Variants in RPS6KC1 observed in about 807,000 individuals in gnomAD.
The protein encoded by RPS6KC1 is inactive ribosomal protein S6 kinase delta-1.
In RPS6KC1, 54 loss-of-function variants were observed where a neutral mutation model predicts 103.8. The observed-to-expected ratio is 0.52, with a 90% CI of 0.42 to 0.65. RPS6KC1 has a LOEUF of 0.65. RPS6KC1 is among the 30% of genes least tolerant of loss of function. RPS6KC1 has a pLI of 0.00. For missense variants in RPS6KC1, 1,151 were observed against 1,253.8 expected (o/e 0.92, Z 1.24); for synonymous variants, 439 against 438.7 (o/e 1.00, Z -0.01).
At chr1:213,425,609 A>G in the RPS6KC1 span, among the ~76,000 whole-genome samples, 4 of 152,168 alleles carry the variant, frequency 2.6e-5, 1 homozygote, top group Admixed American at 1.3e-4. Flanking sequence ...CTCGTGTGGA[A>G]AAACGGCAAG....
chr1:213,599,635 A>G, the RPS6KC1 span, among the ~76,000 whole-genome samples: 18 of 152,228 alleles, frequency 1.2e-4, no homozygotes, highest in Non-Finnish European at 1.9e-4. Flanking sequence ...GCCATCTTCA[A>G]TCACGGGAAA....
the RPS6KC1 span, among the ~76,000 whole-genome samples, chr1:213,851,730 G>T: frequency 6.6e-6 from 1 of 151,920 alleles, no homozygotes; most frequent in South Asian, 2.1e-4. Context: ...GATCAGAGTC[G>T]TCCCTCCCCC....
At chr1:213,799,680 C>G in the RPS6KC1 span, among the ~76,000 whole-genome samples, 1 of 152,192 alleles carries the variant, frequency 6.6e-6, no homozygotes, top group Non-Finnish European at 1.5e-5. Flanking sequence ...AAATGGTGAA[C>G]TGAGAGCAGT....
the RPS6KC1 span, among the ~76,000 whole-genome samples, chr1:213,621,647 G>A: frequency 1.3e-5 from 2 of 152,192 alleles, no homozygotes; most frequent in African/African-American, 4.8e-5. Context: ...GGGCTTTTGT[G>A]ATTTGCTAGG....
chr1:213,251,548 T>G (rs74139163), intron 12 of RPS6KC1, among the ~76,000 whole-genome samples: 2,214 of 152,306 alleles, frequency 0.015, 48 homozygotes, highest in African/African-American at 0.05. Context: ...ATCTCTTGCC[T>G]GGAATAGTGC....
chr1:213,275,449 C>T (rs908464545), downstream of RPS6KC1, among the ~76,000 whole-genome samples: 16 of 152,146 alleles, frequency 1.1e-4, no homozygotes, highest in Non-Finnish European at 2.9e-5. Context: ...TAAAAATCTA[C>T]TGTTTCTATG....
At chr1:213,783,477 TC>T in the RPS6KC1 span, among the ~76,000 whole-genome samples, 42 of 152,048 alleles carry the variant, frequency 2.8e-4, no homozygotes, top group African/African-American at 8.7e-4. Flanking sequence ...GTTTGTTGCC[TC>T]CCCCCCTCAG....
the RPS6KC1 span, among the ~76,000 whole-genome samples, chr1:213,683,674 T>C: frequency 6.6e-6 from 1 of 152,164 alleles, no homozygotes; most frequent in Non-Finnish European, 1.5e-5. Context: ...CTGTCCGAGT[T>C]CCACCTGCTA....
the RPS6KC1 span, among the ~76,000 whole-genome samples, chr1:213,372,761 T>G: frequency 6.6e-6 from 1 of 152,228 alleles, no homozygotes; most frequent in African/African-American, 2.4e-5. Flanking sequence ...ACCATCCATC[T>G]ATCGCTCTTT....
At chr1:213,492,278 C>T in the RPS6KC1 span, 1 of 152,290 alleles carries the variant, frequency 6.6e-6, no homozygotes, top group East Asian at 1.9e-4. Context: ...TGGAGCCCAT[C>T]TGCTGCTTTT....
chr1:213,749,901 G>C, the RPS6KC1 span, among the ~76,000 whole-genome samples: 2 of 152,218 alleles, frequency 1.3e-5, no homozygotes, highest in African/African-American at 4.8e-5. Flanking sequence ...GATCCTGCAG[G>C]AAGGTTAGCG....
At chr1:213,560,302 T>C in the RPS6KC1 span, among the ~76,000 whole-genome samples, 1 of 152,114 alleles carries the variant, frequency 6.6e-6, no homozygotes, top group South Asian at 2.1e-4. Context: ...TAAATCTGGG[T>C]TTAGAGGTCA....
In RPS6KC1 at chr1:213,075,257, T is replaced by G. The variant is rs557205442; in HGVS notation, c.142-2439T>G. Reference sequence around the variant, plus strand: ...CCTTAACCTTACGTAATGTCCAGTTTATAATGACATTTACCTTATATAAGG... The same window carrying G: ...CCTTAACCTTACGTAATGTCCAGTTGATAATGACATTTACCTTATATAAGG... On this transcript the variant is annotated intron_variant, in intron 2 of 14. Transcript: ENST00000366960. Among the ~76,000 whole-genome samples, 52 of 152,310 alleles carry G rather than the reference T, an allele frequency of 3.4e-4. 1 individual carries two copies. In the South Asian group the frequency reaches 0.011, roughly 31 times the overall value.
At chr1:213,824,993 T>A in the RPS6KC1 span, among the ~76,000 whole-genome samples, 12 of 152,300 alleles carry the variant, frequency 7.9e-5, no homozygotes, top group South Asian at 2.5e-3. Flanking sequence ...AGCAGGCTTC[T>A]GCCCCCTCCC....
the RPS6KC1 span, among the ~76,000 whole-genome samples, chr1:213,443,174 T>A: frequency 1.3e-5 from 2 of 152,164 alleles, no homozygotes; most frequent in African/African-American, 2.4e-5. Context: ...ATCCAGCTAC[T>A]TTTCTACCTT....
the RPS6KC1 span, among the ~76,000 whole-genome samples, chr1:213,392,339 C>T: frequency 2.6e-5 from 4 of 151,994 alleles, no homozygotes; most frequent in Non-Finnish European, 5.9e-5. Context: ...ACAGCCCGGT[C>T]TCAACTGGTA....
chr1:213,777,820 A>G, the RPS6KC1 span, among the ~76,000 whole-genome samples: 1 of 152,202 alleles, frequency 6.6e-6, no homozygotes, highest in Non-Finnish European at 1.5e-5. Context: ...TTTTTCTAAA[A>G]GCCAATATAA....
chr1:213,200,319 G>A (rs925954962), intron 8 of RPS6KC1, among the ~76,000 whole-genome samples: 10 of 151,984 alleles, frequency 6.6e-5, no homozygotes, highest in Admixed American at 1.3e-4. Flanking sequence ...AGAGAACCCA[G>A]AAATAAGACT....
intron 3 of RPS6KC1, among the ~76,000 whole-genome samples, chr1:213,100,349 G>C (rs1305026124): frequency 1.3e-5 from 2 of 149,296 alleles, no homozygotes; most frequent in Non-Finnish European, 1.5e-5. Context: ...TTGATGTTTT[G>C]CAAATGTTTT....
Sources: allele counts gnomAD v4.1 joint callset (sites outside exome capture counted in the v4.1 genomes callset), GRCh38; gene constraint gnomAD v4.1.1; transcripts MANE v1.5; gene names NCBI Gene and HGNC (gene_info 2026-07-23, HGNC 2026-07-21).